IGSF21: variants seen among roughly 807,000 people sequenced by gnomAD.
The protein encoded by IGSF21 is immunoglobin superfamily member 21, also known as immunoglobulin superfamily member 21.
Under a neutral mutation model 46.8 loss-of-function variants are expected in IGSF21, and 28 were observed. The ratio of observed to expected loss-of-function variants is 0.60; its 90% CI spans 0.44 to 0.82. The LOEUF is 0.82. Ranked by LOEUF, IGSF21 falls within the 40% of genes least tolerant of loss-of-function variation. The pLI is 0.00. For missense variants in IGSF21, 624 were observed against 665.5 expected, an observed-to-expected ratio of 0.94 and a Z score of 0.69; for synonymous variants, 284 against 273.6, an observed-to-expected ratio of 1.04 and a Z score of -0.38.
At chr1:18,211,929 C>A (rs751230649) in intron 1 of IGSF21, among the ~76,000 whole-genome samples, 1 of 152,236 alleles carries the variant, frequency 6.6e-6, no homozygotes, top group Non-Finnish European at 1.5e-5. Flanking sequence ...AGCGAAACAG[C>A]AGCCACTGGT....
intron 1 of IGSF21, among the ~76,000 whole-genome samples, chr1:18,180,184 A>G (rs2086842915): frequency 6.6e-6 from 1 of 152,224 alleles, no homozygotes; most frequent in Non-Finnish European, 1.5e-5. Flanking sequence ...ATAGGGTATA[A>G]TAGAATATAC....
At chr1:18,327,050 G>A (rs1375100194) in intron 3 of IGSF21, among the ~76,000 whole-genome samples, 1 of 152,058 alleles carries the variant, frequency 6.6e-6, no homozygotes, top group East Asian at 1.9e-4. Flanking sequence ...GAGGGTCAGG[G>A]GCACCCAGGC....
intron 1 of IGSF21, among the ~76,000 whole-genome samples, chr1:18,186,465 GA>G (rs2086903874): frequency 6.6e-6 from 1 of 152,156 alleles, no homozygotes; most frequent in African/African-American, 2.4e-5. Flanking sequence ...CCAAGGCCTA[GA>G]AAGATCCCTC....
chr1:18,211,242 C>T (rs1437238110), intron 1 of IGSF21, among the ~76,000 whole-genome samples: 1 of 152,176 alleles, frequency 6.6e-6, no homozygotes, highest in Non-Finnish European at 1.5e-5. Flanking sequence ...GGGCTGTTGC[C>T]CTGATAACTA....
intron 1 of IGSF21, among the ~76,000 whole-genome samples, chr1:18,192,261 TC>T (rs2086965274): frequency 6.6e-6 from 1 of 152,126 alleles, no homozygotes; most frequent in Admixed American, 6.5e-5. Flanking sequence ...TCTAACACCT[TC>T]TTGCCTGTGG....
chr1:18,326,174 G>A (rs2085656259), intron 3 of IGSF21, among the ~76,000 whole-genome samples: 1 of 152,218 alleles, frequency 6.6e-6, no homozygotes, highest in Admixed American at 6.5e-5. Flanking sequence ...CTGTCCAGGT[G>A]GAGCAGGCAT....
At chr1:18,284,703 T>C (rs1402142956) in intron 2 of IGSF21, among the ~76,000 whole-genome samples, 1 of 152,196 alleles carries the variant, frequency 6.6e-6, no homozygotes, top group Admixed American at 6.5e-5. Context: ...CTAGCCCTCA[T>C]TGTCTCTTGC....
intron 6 of IGSF21, among the ~76,000 whole-genome samples, chr1:18,366,559 C>A (rs2086166995): frequency 6.6e-6 from 1 of 152,126 alleles, no homozygotes; most frequent in Non-Finnish European, 1.5e-5. Flanking sequence ...GGGTTGCAAA[C>A]CTGGGAGGTT....
intron 1 of IGSF21, among the ~76,000 whole-genome samples, chr1:18,119,925 G>A (rs1013250007): frequency 1.3e-4 from 20 of 152,234 alleles, no homozygotes; most frequent in African/African-American, 4.6e-4. Flanking sequence ...ACATAGTGGA[G>A]CAGGTGGCAT....
At chr1:18,302,783 G>A (rs1395951197) in intron 3 of IGSF21, among the ~76,000 whole-genome samples, 2 of 152,098 alleles carry the variant, frequency 1.3e-5, no homozygotes, top group East Asian at 3.9e-4. Flanking sequence ...GAGGGTCAGG[G>A]GTATTTCTCC....
chr1:18,185,164 G>A (rs1557577423), intron 1 of IGSF21, among the ~76,000 whole-genome samples: 1 of 152,138 alleles, frequency 6.6e-6, no homozygotes, highest in Admixed American at 6.5e-5. Context: ...TCTTAATGTA[G>A]GTCCAACACT....
At chr1:18,128,923 C>T (rs1172226983) in intron 1 of IGSF21, among the ~76,000 whole-genome samples, 2 of 152,052 alleles carry the variant, frequency 1.3e-5, no homozygotes, top group African/African-American at 2.4e-5. Flanking sequence ...GAGCCTCCAG[C>T]GCTTGGGTGA....
intron 2 of IGSF21, among the ~76,000 whole-genome samples, chr1:18,266,927 G>C (rs971888160): frequency 6.6e-6 from 1 of 152,130 alleles, no homozygotes; most frequent in African/African-American, 2.4e-5. Flanking sequence ...CTGAAAGGGA[G>C]ACCCAGCAAA....
Position 18,376,328 on chromosome 1 carries a change from A to G in IGSF21, c.1034A>G (p.Lys345Arg). ...EVTLVAPKGP[K>R]IVMTPSRARV... Reference sequence around the variant, plus strand: ...CCTACAGTTGCCCCCAAAGGACCCAAAATTGTGATGACGCCCAGCAGAGCC... The same window carrying G: ...CCTACAGTTGCCCCCAAAGGACCCAGAATTGTGATGACGCCCAGCAGAGCC... The change falls in exon 7 of 10, where the codon AAA becomes AGA. Residue 345 changes from lysine to arginine, a missense_variant. Transcript: ENST00000251296. 6.2e-7 allele frequency: 1 copy of G among 1,613,826 alleles called. No homozygotes were observed. Among genetic ancestry groups the G allele is most frequent in the Non-Finnish European group, 8.5e-7 (1 of 1,179,858 alleles).
chr1:18,153,229 G>A (rs11806379), intron 1 of IGSF21, among the ~76,000 whole-genome samples: 5,795 of 152,302 alleles, frequency 0.038, 300 homozygotes, highest in African/African-American at 0.12. Flanking sequence ...ATTCCCGGGC[G>A]TTGCTTCAGC....
At chr1:18,248,983 A>G (rs2084810857) in intron 2 of IGSF21, among the ~76,000 whole-genome samples, 1 of 152,078 alleles carries the variant, frequency 6.6e-6, no homozygotes, top group Non-Finnish European at 1.5e-5. Flanking sequence ...GAATGAGTAG[A>G]ACCTAGCTGG....
chr1:18,270,348 G>T lies in IGSF21; in HGVS notation c.184-21518G>T, dbSNP rs138026674. On this transcript the variant is annotated intron_variant, in intron 2 of 9. Transcript: ENST00000251296. ...ATAATGGTTTCGTTCCCAAGCCCCA[G>T]ATATTCTGGGGAGGGTGAATGGGCA... Among the ~76,000 whole-genome samples the T allele has an allele frequency of 2.9e-3, 440 of 152,328 alleles. 3 individuals carry two copies. The highest frequency in any genetic ancestry group is 5.4e-3 in the Non-Finnish European group (365 of 68,026).
chr1:18,141,210 C>T lies in IGSF21; in HGVS notation c.70+33012C>T, dbSNP rs1335935520. On this transcript the variant is annotated intron_variant, in intron 1 of 9. Coordinates refer to ENST00000251296, the MANE Select transcript of IGSF21 (RefSeq NM_032880.5). ...TCTTAAGCTCAAGGTCTCATCTAGT[C>T]GGGAGGAAGACAGGGAGGAGGAGAG... is the stretch of plus-strand genomic sequence containing the variant. Among the ~76,000 whole-genome samples, 4 of 152,102 alleles carry T rather than the reference C, an allele frequency of 2.6e-5. No homozygotes were observed. The East Asian group carries it at 7.7e-4, about 29-fold the overall frequency.
chr1:18,156,690 C>T (rs189897217), intron 1 of IGSF21, among the ~76,000 whole-genome samples: 54 of 152,324 alleles, frequency 3.5e-4, no homozygotes, highest in Middle Eastern at 3.4e-3. Context: ...AGATTCCAAA[C>T]AAGTTGAGCT....
Sources: gnomAD v4.1 joint callset for allele counts (sites outside exome capture counted in the v4.1 genomes callset) on GRCh38, gnomAD v4.1.1 for gene constraint, MANE v1.5 for transcripts, NCBI Gene and HGNC (gene_info 2026-07-23, HGNC 2026-07-21) for gene names.